The following TFPI variants were observed in gnomAD, a reference collection of about 807,000 sequenced individuals.
TFPI encodes tissue factor pathway inhibitor, also known as anti-convertin.
In TFPI, 15 loss-of-function variants were observed where a neutral mutation model predicts 34.6. That is an observed-to-expected ratio of 0.43 (90% CI 0.29 to 0.67). TFPI has a LOEUF of 0.67. TFPI is among the 30% of genes least tolerant of loss of function. The pLI, the probability that TFPI is intolerant of heterozygous loss-of-function variation, is 0.15. For synonymous variants in TFPI, 105 were observed against 120.1 expected, an observed-to-expected ratio of 0.87 and a Z score of 0.82; for missense variants, 301 against 364.0, an observed-to-expected ratio of 0.83 and a Z score of 1.41.
intron 1 of TFPI, among the ~76,000 whole-genome samples, chr2:187,506,197 GA>G (rs1227135399): frequency 6.2e-4 from 94 of 151,946 alleles, no homozygotes; most frequent in African/African-American, 2.0e-3. Context: ...TTAGAAAACA[GA>G]GATTTATAAA....
At chr2:187,495,329 G>T (rs569950491) in intron 3 of TFPI, among the ~76,000 whole-genome samples, 2 of 152,260 alleles carry the variant, frequency 1.3e-5, no homozygotes, top group African/African-American at 4.8e-5. Flanking sequence ...TTCTAGCCAA[G>T]GTACTGACAA....
rs1209444931 is a variant in TFPI at position 187,488,361 on chromosome 2, T to G, written c.334A>C (p.Ile112Leu). The change falls in exon 4 of 8, where the codon ATT (isoleucine) becomes CTT (leucine). Residue 112 changes from isoleucine (I) to leucine (L), a missense_variant. Coordinates refer to ENST00000233156, the MANE Select transcript of TFPI (RefSeq NM_006287.6). ...CCTTGTTGCAATGTTGTCTTTATAATCCTGTTTGCATTATCTGTAATCAAA... is the reference window on the plus strand; with the variant it reads ...CCTTGTTGCAATGTTGTCTTTATAAGCCTGTTTGCATTATCTGTAATCAAA... ...KMCTRDNANR[I>L]IKTTLQQEKP... The G allele has an allele frequency of 1.3e-6, 2 of 1,567,776 alleles. No individual in the cohort carries two copies. Among genetic ancestry groups the G allele is most frequent in the Non-Finnish European group, 1.7e-6 (2 of 1,162,036 alleles).
Position 187,488,322 on chromosome 2 carries a change from CAAATA to C in TFPI, c.358+10_358+14del, listed in dbSNP as rs760185743. ...TACATAAATGCTTCAAATTTACAGA[CAAATA>C]AATGTTCACCTTGTTGCAATGTTGT... is the stretch of plus-strand genomic sequence containing the variant. On this transcript the variant is annotated intron_variant, in intron 4 of 7. Coordinates refer to ENST00000233156, the MANE Select transcript of TFPI (RefSeq NM_006287.6). 2 of 1,556,350 alleles carry C rather than the reference CAAATA, an allele frequency of 1.3e-6. No homozygotes were observed. Among genetic ancestry groups the C allele is most frequent in the Non-Finnish European group, 1.7e-6 (2 of 1,158,486 alleles).
chr2:187,503,494 CACACACAT>C, intron 2 of TFPI, among the ~76,000 whole-genome samples, 146 bp downstream of exon 2: 1 of 151,520 alleles, frequency 6.6e-6, no homozygotes, highest in African/African-American at 2.4e-5. Context: ...CACACACACA[CACACACAT>C]ACATTAGGTA....
chr2:187,532,539 C>T (rs1688017684), intron 1 of TFPI, among the ~76,000 whole-genome samples: 1 of 152,234 alleles, frequency 6.6e-6, no homozygotes, highest in African/African-American at 2.4e-5. Flanking sequence ...AAGAACAGTG[C>T]ATTCTGGCCC....
chr2:187,502,390 T>C (rs1366085381), intron 2 of TFPI, among the ~76,000 whole-genome samples: 1 of 152,114 alleles, frequency 6.6e-6, no homozygotes, highest in Non-Finnish European at 1.5e-5. Flanking sequence ...CAAGTGAGAT[T>C]GCCTGTTTTT....
chr2:187,534,894 C>CA (rs141872954), intron 1 of TFPI, among the ~76,000 whole-genome samples: 35,438 of 138,596 alleles, frequency 0.26, 4,296 homozygotes, highest in Middle Eastern at 0.3. Flanking sequence ...AAATGGAAAG[C>CA]AAAAAAAAAA....
chr2:187,511,196 G>T (rs1216035541), intron 1 of TFPI, among the ~76,000 whole-genome samples: 2 of 152,202 alleles, frequency 1.3e-5, no homozygotes, highest in Non-Finnish European at 2.9e-5. Context: ...GGCACTTGCA[G>T]TCTGGACATC....
At chr2:187,522,700 G>C (rs1687451973) in intron 1 of TFPI, among the ~76,000 whole-genome samples, 1 of 147,462 alleles carries the variant, frequency 6.8e-6, no homozygotes, top group Admixed American at 6.8e-5. Flanking sequence ...TGGCTAACAT[G>C]GTGAAACCCC....
intron 6 of TFPI, among the ~76,000 whole-genome samples, chr2:187,477,899 T>A (rs1692490681): frequency 6.6e-6 from 1 of 152,160 alleles, no homozygotes; most frequent in Non-Finnish European, 1.5e-5. Flanking sequence ...CTTCAGGATG[T>A]CATCCAATTA....
chr2:187,466,927 A>G lies in TFPI; in HGVS notation c.*9T>C, dbSNP rs910769638. 19 of 1,379,168 alleles carry G rather than the reference A, an allele frequency of 1.4e-5. No homozygotes were observed. The highest frequency in any genetic ancestry group is 2.4e-5 in the East Asian group (1 of 42,402). The allele number at this position is 1,379,168 out of a possible 1,614,324, so 85.4% of individuals were successfully genotyped here. Reference sequence around the variant, plus strand: ...TTAGTAGAATTAATGTTACATTGCTATAACAAATTCACATATTTTTAACAA... The same window carrying G: ...TTAGTAGAATTAATGTTACATTGCTGTAACAAATTCACATATTTTTAACAA... On this transcript the variant is annotated 3_prime_UTR_variant, in exon 8 of 8. Transcript: ENST00000233156.
chr2:187,487,708 A>G (rs1693382024), intron 4 of TFPI, among the ~76,000 whole-genome samples: 1 of 151,512 alleles, frequency 6.6e-6, no homozygotes, highest in South Asian at 2.1e-4. Context: ...TGAAAAAGTA[A>G]TTATTTTTAG....
intron 1 of TFPI, among the ~76,000 whole-genome samples, chr2:187,531,378 G>A (rs1180281207): frequency 1.3e-5 from 2 of 152,028 alleles, no homozygotes; most frequent in South Asian, 2.1e-4. Context: ...AATTCAGTCC[G>A]ACAATGAATC....
chr2:187,473,884 A>C (rs574848456), intron 6 of TFPI, among the ~76,000 whole-genome samples: 56 of 152,072 alleles, frequency 3.7e-4, no homozygotes, highest in Non-Finnish European at 3.8e-4. Flanking sequence ...GTGAACTTAA[A>C]ATTGAAAGGT....
intron 5 of TFPI, 52 bp downstream of exon 5, chr2:187,484,759 T>C: frequency 6.6e-7 from 1 of 1,518,402 alleles, no homozygotes; most frequent in Non-Finnish European, 8.8e-7. Flanking sequence ...GATGCCTTAG[T>C]TTTAAAAGGA....
chr2:187,467,039 A>G lies in TFPI; in HGVS notation c.812T>C (p.Phe271Ser). ...GCCTCCTTTTGATATTCTTTGGATG[A>G]AACCTATAAGAGGAAGAGGAATAAA... ...QECLRACKKG[F>S]IQRISKGGLI... Residue 271 changes from phenylalanine to serine, a missense_variant, in exon 8 of 8, where the codon TTC (phenylalanine) becomes TCC (serine). Coordinates refer to ENST00000233156, the MANE Select transcript of TFPI (RefSeq NM_006287.6). 1 of 1,553,116 alleles carries G rather than the reference A, an allele frequency of 6.4e-7. No individual in the cohort carries two copies. The highest frequency in any genetic ancestry group is 1.2e-5 in the South Asian group (1 of 85,698).
At chr2:187,499,866 G>C (rs1413966331) in intron 2 of TFPI, among the ~76,000 whole-genome samples, 1 of 152,052 alleles carries the variant, frequency 6.6e-6, no homozygotes, top group East Asian at 1.9e-4. Context: ...AAGTTATTGA[G>C]GTAGTGTTTC....
chr2:187,518,192 G>A (rs1352770039), intron 1 of TFPI: 1 of 152,322 alleles, frequency 6.6e-6, no homozygotes, highest in East Asian at 1.9e-4. Context: ...TATAATGCTA[G>A]CTGGTTATCT....
chr2:187,517,571 A>G (rs936827217), intron 1 of TFPI: 13 of 152,146 alleles, frequency 8.5e-5, no homozygotes, highest in African/African-American at 3.1e-4. Context: ...TTATGTGGCT[A>G]ATTTTAAAAT....
Sources: gnomAD v4.1 joint callset for allele counts (sites outside exome capture counted in the v4.1 genomes callset) on GRCh38, gnomAD v4.1.1 for gene constraint, MANE v1.5 for transcripts, NCBI Gene and HGNC (gene_info 2026-07-23, HGNC 2026-07-21) for gene names.